SNX20: variants seen among roughly 807,000 people sequenced by gnomAD.
The protein encoded by SNX20 is sorting nexin-20.
Under a neutral mutation model 24.5 loss-of-function variants are expected in SNX20, and 21 were observed. The observed-to-expected ratio is 0.86, with a 90% CI of 0.61 to 1.23. The LOEUF (loss-of-function observed/expected upper bound fraction) is 1.23, where lower values mean the gene tolerates loss of function less well. Among genes scored for constraint, SNX20 ranks in the 50% most tolerant of loss-of-function variants. The pLI, the probability that SNX20 is intolerant of heterozygous loss-of-function variation, is 0.00. For missense variants in SNX20, 433 were observed against 430.8 expected, an observed-to-expected ratio of 1.00 and a Z score of -0.04; for synonymous variants, 206 against 192.8, an observed-to-expected ratio of 1.07 and a Z score of -0.57.
Position 50,675,862 on chromosome 16 carries a change from AG to A in SNX20, c.189del (p.Trp64GlyfsTer65). On this transcript the variant is annotated frameshift_variant, in exon 3 of 4. Coordinates refer to ENST00000330943, the MANE Select transcript of SNX20 (RefSeq NM_182854.4). LOFTEE classifies it high-confidence loss of function. ...SSMTTRELQQ[Y>X]WQNQKCRWKH... ...TTCCAGCGGCATTTCTGGTTCTGCC[AG>A]TACTGCTGAAGCTCCCGCGTGGTCA... The A allele has an allele frequency of 6.2e-7, 1 of 1,613,508 alleles. No homozygotes were observed. The highest frequency in any genetic ancestry group is 1.1e-5 in the South Asian group (1 of 90,994).
chr16:50,674,003 G>A lies in SNX20; in HGVS notation c.354C>T (p.Ser118=), dbSNP rs1053272303. ...NNKAVLERRY[S]DFAKLQKALL... ...GCGCTTTCTGGAGCTTCGCGAAGTCGGAATAGCGCCGTTCCAGGACGGCCT... is the reference window on the plus strand; with the variant it reads ...GCGCTTTCTGGAGCTTCGCGAAGTCAGAATAGCGCCGTTCCAGGACGGCCT... The change falls in exon 4 of 4, where the codon TCC becomes TCT. Residue 118 remains serine (S), a synonymous_variant. Coordinates refer to ENST00000330943, the MANE Select transcript of SNX20 (RefSeq NM_182854.4). 4 of 1,612,098 alleles carry A rather than the reference G, an allele frequency of 2.5e-6. No individual in the cohort carries two copies. Among genetic ancestry groups the A allele is most frequent in the Non-Finnish European group, 2.5e-6 (3 of 1,179,296 alleles).
Position 50,673,784 on chromosome 16 carries a change from C to G in SNX20, c.573G>C (p.Glu191Asp), listed in dbSNP as rs768270570. Reference sequence around the variant, plus strand: ...GGCCGGCCCGCAGGCAGCCGAAAGCCTCGCGCAGCTCCGGCCGCGTGAGGA... The same window carrying G: ...GGCCGGCCCGCAGGCAGCCGAAAGCGTCGCGCAGCTCCGGCCGCGTGAGGA... ...LDFLTRPELR[E>D]AFGCLRAGQY... Residue 191 changes from glutamate to aspartate, a missense_variant, in exon 4 of 4, where the codon GAG (glutamate) becomes GAC (aspartate). By Grantham distance (45) the Glu-to-Asp change is conservative. Coordinates refer to ENST00000330943, the MANE Select transcript of SNX20 (RefSeq NM_182854.4). This position sits in a 1 kb window ranked among gnomAD's most constrained non-coding sequence, Gnocchi z 4.1. 25 of 1,560,838 alleles carry G rather than the reference C, an allele frequency of 1.6e-5. No individual in the cohort carries two copies. The East Asian group carries it at 5.6e-4, about 35-fold the overall frequency.
At chr16:50,668,064 G>A (rs1324417958), downstream of SNX20, 2 of 1,551,658 alleles carry the variant, frequency 1.3e-6, no homozygotes, top group Non-Finnish European at 1.7e-6. Context: ...AGCCAAGAGT[G>A]GGCAATCAAA....
chr16:50,669,733 T>C (rs1055772259), downstream of SNX20: 4 of 152,436 alleles, frequency 2.6e-5, no homozygotes, highest in Admixed American at 2.6e-4. Context: ...TTATTAGCTG[T>C]GTAACCCTGG....
At chr16:50,668,692 G>A (rs887920139), downstream of SNX20, 51 of 1,062,268 alleles carry the variant, frequency 4.8e-5, no homozygotes, top group Non-Finnish European at 5.6e-5. Flanking sequence ...GGGCCAGGAA[G>A]CATTTGGAGA....
Position 50,675,862 on chromosome 16 carries a change from A to G in SNX20, c.190T>C (p.Trp64Arg), listed in dbSNP as rs1254000287. 1.1e-5 allele frequency: 17 copies of G among 1,613,508 alleles called. No individual in the cohort carries two copies. Among genetic ancestry groups the G allele is most frequent in the Non-Finnish European group, 1.2e-5 (14 of 1,179,772 alleles). ...TTCCAGCGGCATTTCTGGTTCTGCC[A>G]GTACTGCTGAAGCTCCCGCGTGGTC... Reference protein sequence around the residue: ...SMTTRELQQYWQNQKCRWKHV... With the variant: ...SMTTRELQQYRQNQKCRWKHV... The change falls in exon 3 of 4, where the codon TGG becomes CGG. Residue 64 changes from tryptophan (W) to arginine (R), a missense_variant. Trp to Arg is a moderately radical substitution (Grantham distance 101). Coordinates refer to ENST00000330943, the MANE Select transcript of SNX20 (RefSeq NM_182854.4).
rs573090178 is a variant in SNX20 at position 50,677,659 on chromosome 16, G to A, written c.-9-124C>T. The A allele has an allele frequency of 1.4e-4, 152 of 1,064,284 alleles. No homozygotes were observed. In the African/African-American group the frequency reaches 2.1e-3, roughly 15 times the overall value. 65.9% of individuals were successfully genotyped at this position (1,064,284 alleles called of 1,614,324 possible). ...GCAGAGGGAATGACAAGGGCCCCAC[G>A]GCTCAACCTTCCCCACTCTCCCAGC... On this transcript the variant is annotated intron_variant, in intron 1 of 3. Transcript: ENST00000330943.
chr16:50,669,422 A>C, downstream of SNX20: 1 of 395,210 alleles, frequency 2.5e-6, no homozygotes, highest in Non-Finnish European at 4.7e-6. Flanking sequence ...ACCAGCTCTC[A>C]TGTAAACTAA....
chr16:50,674,635 G>A (rs993728061), intron 3 of SNX20, among the ~76,000 whole-genome samples: 9 of 152,202 alleles, frequency 5.9e-5, no homozygotes, highest in Non-Finnish European at 8.8e-5. Context: ...GAGGAGAAAG[G>A]GCAGAGGGTC....
At chr16:50,680,952 C>T (rs992402542) in intron 1 of SNX20, among the ~76,000 whole-genome samples, 9 of 152,214 alleles carry the variant, frequency 5.9e-5, no homozygotes, top group African/African-American at 2.2e-4. Flanking sequence ...ACTTATTCTC[C>T]AGGCCCAAGA....
In SNX20 at chr16:50,672,305, GAAGCCA is replaced by G. The variant is rs1963067433; in HGVS notation, c.*1095_*1100del. 1 of 152,208 alleles carries G rather than the reference GAAGCCA, an allele frequency of 6.6e-6. No homozygotes were observed. The highest frequency in any genetic ancestry group is 1.9e-4 in the East Asian group (1 of 5,194). The allele number at this position is 152,208 out of a possible 1,614,324, so 9.4% of individuals were successfully genotyped here. A position where few individuals can be genotyped will look rare whatever the true frequency, so the allele number is the denominator to read the frequency against. ...CCAGGCTGTTTCTACATAACCCAGG[GAAGCCA>G]TTCAGGGAACAGCTGCCTTATGAAT... is the stretch of plus-strand genomic sequence containing the variant. On this transcript the variant is annotated 3_prime_UTR_variant, in exon 4 of 4. Coordinates refer to ENST00000330943, the MANE Select transcript of SNX20 (RefSeq NM_182854.4).
In SNX20 at chr16:50,677,616, C is replaced by T. The variant is rs1301064559; in HGVS notation, c.-9-81G>A. On this transcript the variant is annotated intron_variant, in intron 1 of 3. Transcript: ENST00000330943. ...CTCCTGGGGTGCCTAGGAGCTGTGT[C>T]ATGCCCCCTCCTGGCAGGCAGAGGG... The T allele has an allele frequency of 3.0e-6, 4 of 1,329,338 alleles. No homozygotes were observed. The East Asian group carries it at 1.1e-4, about 37-fold the overall frequency. 82.3% of individuals were successfully genotyped at this position (1,329,338 alleles called of 1,614,324 possible). A position where few individuals can be genotyped will look rare whatever the true frequency, so the allele number is the denominator to read the frequency against.
rs1022448220 is a variant in SNX20, at chr16:50,674,046, C to T, written c.311G>A (p.Gly104Glu). 6.2e-7 allele frequency: 1 copy of T among 1,606,836 alleles called. No homozygotes were observed. The highest frequency in any genetic ancestry group is 8.5e-7 in the Non-Finnish European group (1 of 1,176,364). The change falls in exon 4 of 4, where the codon GGG becomes GAG. Residue 104 changes from glycine (G) to glutamate (E), a missense_variant. Coordinates refer to ENST00000330943, the MANE Select transcript of SNX20 (RefSeq NM_182854.4). The part of the protein sequence containing the change: ...VVYQIIVIQT[G>E]SFDNNKAVLE... ...GACGGCCTTGTTGTTGTCAAAGCTC[C>T]CAGTCTGGATGACGATGATTTGGTA... is the stretch of plus-strand genomic sequence containing the variant.
At chr16:50,675,669 C>T in intron 3 of SNX20, 101 bp downstream of exon 3, 2 of 1,455,712 alleles carry the variant, frequency 1.4e-6, no homozygotes, top group Non-Finnish European at 1.9e-6. Context: ...AGTGTGTTGA[C>T]CCATTTCATA....
At chr16:50,669,352 G>A (rs942377557), downstream of SNX20, 9 of 550,954 alleles carry the variant, frequency 1.6e-5, no homozygotes, top group African/African-American at 3.8e-5. Flanking sequence ...AGGGGAAGGG[G>A]GAGTTCGTGA....
chr16:50,668,547 G>C, downstream of SNX20: 1 of 1,018,544 alleles, frequency 9.8e-7, no homozygotes, highest in East Asian at 8.9e-5. Flanking sequence ...ATGTGCATAA[G>C]TAAAAGGAGA....
At chr16:50,668,899 C>T (rs79030853), downstream of SNX20, 371 of 1,454,660 alleles carry the variant, frequency 2.6e-4, 2 homozygotes, top group African/African-American at 4.7e-3. Flanking sequence ...AACTGTGCCT[C>T]CCAGCCTGAA....
chr16:50,677,813 T>C (rs1429298925), intron 1 of SNX20, among the ~76,000 whole-genome samples: 5 of 152,312 alleles, frequency 3.3e-5, no homozygotes, highest in South Asian at 2.1e-4. Flanking sequence ...GAGTTTTAAA[T>C]GAGATGATTT....
chr16:50,679,199 A>G (rs1167170090), intron 1 of SNX20, among the ~76,000 whole-genome samples: 1 of 151,870 alleles, frequency 6.6e-6, no homozygotes, highest in Non-Finnish European at 1.5e-5. Context: ...CTTGGTCTGA[A>G]CCCCTGGGCT....
Sources: gnomAD v4.1 joint callset for allele counts (sites outside exome capture counted in the v4.1 genomes callset) on GRCh38, gnomAD v4.1.1 for gene constraint, Gnocchi (gnomAD v3.1) non-coding constraint, MANE v1.5 for transcripts, NCBI Gene and HGNC (gene_info 2026-07-23, HGNC 2026-07-21) for gene names.